The following EPS8 variants were observed in gnomAD, a reference collection of about 807,000 sequenced individuals.
EPS8 encodes the protein epidermal growth factor receptor kinase substrate 8.
Under a neutral mutation model 103.8 loss-of-function variants are expected in EPS8, and 42 were observed. The ratio of observed to expected loss-of-function variants is 0.40; its 90% CI spans 0.32 to 0.52. The LOEUF (loss-of-function observed/expected upper bound fraction) is 0.52. EPS8 is among the 20% of genes least tolerant of loss of function. The probability of loss-of-function intolerance (pLI) is 0.40; values close to 1 mark genes in which losing one functional copy is unlikely to be tolerated. For missense variants in EPS8, 969 were observed against 1,005.1 expected (o/e 0.96, Z 0.49); for synonymous variants, 344 against 344.6 (o/e 1.00, Z 0.02).
intron 1 of EPS8, chr12:15,683,186 T>C (rs1946039234): frequency 2.9e-6 from 1 of 346,692 alleles, no homozygotes; most frequent in Non-Finnish European, 5.1e-6. Flanking sequence ...TATGCTAAAA[T>C]TATAAGCAGA....
At chr12:15,739,769 T>C (rs60587070) in intron 1 of EPS8, among the ~76,000 whole-genome samples, 11,328 of 152,120 alleles carry the variant, frequency 0.074, 1,378 homozygotes, top group African/African-American at 0.25. Flanking sequence ...CCTTATCATC[T>C]ATCCATCCAT....
chr12:15,672,017 A>G (rs1170040566), intron 3 of EPS8, among the ~76,000 whole-genome samples: 1 of 152,210 alleles, frequency 6.6e-6, no homozygotes, highest in Non-Finnish European at 1.5e-5. Flanking sequence ...ACTGTAAAAT[A>G]AAAGGATTAA....
chr12:15,728,644 C>T lies in EPS8; in HGVS notation c.-21-45672G>A, dbSNP rs191462338. On this transcript the variant is annotated intron_variant, in intron 1 of 20. Transcript: ENST00000281172. The surrounding 1 kb of genome is among the most constrained non-coding windows in gnomAD (Gnocchi z 4.5). Reference sequence around the variant, plus strand: ...ACAAGGCCTAAAATCACAGATTTTACTATTTACATTTCAGTGAAATATTTA... The same window carrying T: ...ACAAGGCCTAAAATCACAGATTTTATTATTTACATTTCAGTGAAATATTTA... Among the ~76,000 whole-genome samples, 1 of 152,294 alleles carries T rather than the reference C, an allele frequency of 6.6e-6. No homozygotes were observed. The highest frequency in any genetic ancestry group is 2.4e-5 in the African/African-American group (1 of 41,562).
rs1946713960 is a variant in EPS8 at position 15,731,329 on chromosome 12, C to T, written c.-21-48357G>A. On this transcript the variant is annotated intron_variant, in intron 1 of 20. Transcript: ENST00000281172. The surrounding 1 kb of genome is among the most constrained non-coding windows in gnomAD (Gnocchi z 5.1). ...ACTTTTTTTTTTTTAGATGGAGTCT[C>T]ACTGTGTTGCCCAGGCTGAAGTGCA... 6.6e-6 allele frequency among the ~76,000 whole-genome samples: 1 copy of T among 151,682 alleles called. No homozygotes were observed. Among genetic ancestry groups the T allele is most frequent in the African/African-American group, 2.4e-5 (1 of 41,284 alleles).
chr12:15,678,893 AAC>A (rs1945955183), intron 3 of EPS8, among the ~76,000 whole-genome samples: 1 of 149,488 alleles, frequency 6.7e-6, no homozygotes, highest in South Asian at 2.2e-4. Context: ...TAGCTTGGGC[AAC>A]AGAGTGAGAC....
rs1410235459 is a variant in EPS8, at chr12:15,738,685, G to A, written c.-22+50476C>T. 6.6e-6 allele frequency among the ~76,000 whole-genome samples: 1 copy of A among 151,644 alleles called. No individual in the cohort carries two copies. Among genetic ancestry groups the A allele is most frequent in the Non-Finnish European group, 1.5e-5 (1 of 67,940 alleles). The stretch of plus-strand genomic sequence containing the variant: ...GTGTTGTATTTAATATCAGTCATTT[G>A]TTTGCATATTTGTCTCATAGTTGGA... On this transcript the variant is annotated intron_variant, in intron 1 of 20. Coordinates refer to ENST00000281172, the MANE Select transcript of EPS8 (RefSeq NM_004447.6). The surrounding 1 kb of genome is among the most constrained non-coding windows in gnomAD (Gnocchi z 6.2).
At chr12:15,720,702 G>A (rs1402881428) in intron 1 of EPS8, among the ~76,000 whole-genome samples, 3 of 152,096 alleles carry the variant, frequency 2.0e-5, no homozygotes, top group African/African-American at 7.2e-5. Flanking sequence ...GCCCTTTTAG[G>A]ATCTGTCCCC....
Position 15,721,942 on chromosome 12 carries a change from A to T in EPS8, c.-21-38970T>A, listed in dbSNP as rs1406236594. On this transcript the variant is annotated intron_variant, in intron 1 of 20. Coordinates refer to ENST00000281172, the MANE Select transcript of EPS8 (RefSeq NM_004447.6). The surrounding 1 kb of genome is among the most constrained non-coding windows in gnomAD (Gnocchi z 4.4). Reference sequence around the variant, plus strand: ...AGACAAATGCTTTCACATTTTATAAATTTTTCTAGTTTTTTTTTAATGCAT... The same window carrying T: ...AGACAAATGCTTTCACATTTTATAATTTTTTCTAGTTTTTTTTTAATGCAT... Among the ~76,000 whole-genome samples the T allele has an allele frequency of 6.6e-6, 1 of 151,742 alleles. No homozygotes were observed. The highest frequency in any genetic ancestry group is 1.5e-5 in the Non-Finnish European group (1 of 67,928).
intron 1 of EPS8, among the ~76,000 whole-genome samples, chr12:15,773,312 T>C (rs547396025): frequency 6.6e-6 from 1 of 152,300 alleles, no homozygotes; most frequent in South Asian, 2.1e-4. Flanking sequence ...ATGTTATTAA[T>C]TGTGATTATT....
At chr12:15,646,999 C>A in intron 15 of EPS8, 128 bp downstream of exon 15, 1 of 886,256 alleles carries the variant, frequency 1.1e-6, no homozygotes, top group African/African-American at 1.7e-5. Context: ...ACAACTGAAA[C>A]TTTATCAACT....
Position 15,719,635 on chromosome 12 carries a change from T to C in EPS8, c.-21-36663A>G, listed in dbSNP as rs116923968. ...AACGGTTTAATTTCTTTGAATATCA[T>C]TGGACTAGAGTTTGCCCAGGTGGCA... On this transcript the variant is annotated intron_variant, in intron 1 of 20. Coordinates refer to ENST00000281172, the MANE Select transcript of EPS8 (RefSeq NM_004447.6). Among the ~76,000 whole-genome samples the C allele has an allele frequency of 1.6e-3, 240 of 152,350 alleles. 5 individuals carry two copies. In the East Asian group the frequency reaches 0.037, roughly 24 times the overall value.
rs537294810 is a variant in EPS8, at chr12:15,757,480, A to G, written c.-22+31681T>C. 2.4e-4 allele frequency among the ~76,000 whole-genome samples: 37 copies of G among 152,106 alleles called. No individual in the cohort carries two copies. The highest frequency in any genetic ancestry group is 5.0e-4 in the Non-Finnish European group (34 of 68,020). The stretch of plus-strand genomic sequence containing the variant: ...CTCATCTCTACTAAAAAATACAAAA[A>G]TTAGCTAGGCGTGGTGGCGCATGCC... On this transcript the variant is annotated intron_variant, in intron 1 of 20. Coordinates refer to ENST00000281172, the MANE Select transcript of EPS8 (RefSeq NM_004447.6). This position sits in a 1 kb window ranked among gnomAD's most constrained non-coding sequence, Gnocchi z 4.1.
In EPS8 at chr12:15,727,152, G is replaced by A. The variant is rs1460376832; in HGVS notation, c.-21-44180C>T. Among the ~76,000 whole-genome samples the A allele has an allele frequency of 1.3e-5, 2 of 152,184 alleles. No homozygotes were observed. Among genetic ancestry groups the A allele is most frequent in the Non-Finnish European group, 2.9e-5 (2 of 68,028 alleles). On this transcript the variant is annotated intron_variant, in intron 1 of 20. Coordinates refer to ENST00000281172, the MANE Select transcript of EPS8 (RefSeq NM_004447.6). The surrounding 1 kb of genome is among the most constrained non-coding windows in gnomAD (Gnocchi z 4.3). ...TTAGTTAAATCTAAGTTAAGTACAA[G>A]TGACTACGTTTTTACTGTTTAAATT...
chr12:15,660,616 C>A lies in EPS8; in HGVS notation c.935G>T (p.Gly312Val), dbSNP rs1297894976. ...KNKKGKRKGPGEGVLTLRAKP... is the reference protein window; with the variant it reads ...KNKKGKRKGPVEGVLTLRAKP... ...AAGATTAAGAAAATCCAACTTACCTCCTGGTCCTTTCCTTTTACCTTTCTT... is the reference window on the plus strand; with the variant it reads ...AAGATTAAGAAAATCCAACTTACCTACTGGTCCTTTCCTTTTACCTTTCTT... The change falls in exon 10 of 21, where the codon GGA (glycine) becomes GTA (valine). Residue 312 changes from glycine to valine, a missense_variant and splice_region_variant. By Grantham distance (109) the Gly-to-Val change is moderately radical. Transcript: ENST00000281172. The A allele has an allele frequency of 7.1e-7, 1 of 1,413,728 alleles. No homozygotes were observed. The highest frequency in any genetic ancestry group is 1.7e-5 in the Admixed American group (1 of 59,696). The allele number at this position is 1,413,728 out of a possible 1,614,324, so 87.6% of individuals were successfully genotyped here. A position where few individuals can be genotyped will look rare whatever the true frequency, so the allele number is the denominator to read the frequency against.
At chr12:15,737,267 T>C (rs1000160693) in intron 1 of EPS8, among the ~76,000 whole-genome samples, 3 of 152,168 alleles carry the variant, frequency 2.0e-5, no homozygotes, top group African/African-American at 7.2e-5. Flanking sequence ...TTTATGACAT[T>C]ACCAGCTACT....
At chr12:15,788,733 C>T (rs1244991463) in intron 1 of EPS8, among the ~76,000 whole-genome samples, 1 of 152,172 alleles carries the variant, frequency 6.6e-6, no homozygotes, top group African/African-American at 2.4e-5. Context: ...TGAAAAGAAC[C>T]CCTCCCCATT....
rs1438343767 is a variant in EPS8, at chr12:15,757,125, T to C, written c.-22+32036A>G. ...AATTTTATGTCCCTAGTAACTGTAA[T>C]AGAAACCTAGAAATATTTATTAAAT... On this transcript the variant is annotated intron_variant, in intron 1 of 20. Coordinates refer to ENST00000281172, the MANE Select transcript of EPS8 (RefSeq NM_004447.6). The surrounding 1 kb of genome is among the most constrained non-coding windows in gnomAD (Gnocchi z 4.1). 6.6e-6 allele frequency among the ~76,000 whole-genome samples: 1 copy of C among 152,178 alleles called. No homozygotes were observed. The highest frequency in any genetic ancestry group is 2.4e-5 in the African/African-American group (1 of 41,438).
At chr12:15,766,896 A>C (rs938384193) in intron 1 of EPS8, among the ~76,000 whole-genome samples, 1 of 152,208 alleles carries the variant, frequency 6.6e-6, no homozygotes, top group Non-Finnish European at 1.5e-5. Flanking sequence ...TCTAAATTCT[A>C]TAAGTATCCA....
intron 1 of EPS8, among the ~76,000 whole-genome samples, chr12:15,768,924 C>T (rs1462291428): frequency 6.6e-6 from 1 of 152,216 alleles, no homozygotes; most frequent in Non-Finnish European, 1.5e-5. Flanking sequence ...TTTAATCAGA[C>T]TATACTTTCA....
Sources: allele counts gnomAD v4.1 joint callset (sites outside exome capture counted in the v4.1 genomes callset), GRCh38; gene constraint gnomAD v4.1.1; non-coding constraint Gnocchi (gnomAD v3.1); transcripts MANE v1.5; gene names NCBI Gene and HGNC (gene_info 2026-07-23, HGNC 2026-07-21).